Variants in DDA1 observed in about 807,000 individuals in gnomAD.
DDA1 encodes DET1- and DDB1-associated protein 1.
A neutral mutation model predicts 18.6 loss-of-function variants in DDA1; 3 were observed. That is an observed-to-expected ratio of 0.16 (90% CI 0.07 to 0.42). The LOEUF is 0.42. Ranked by LOEUF, DDA1 falls within the 10% of genes least tolerant of loss-of-function variation. The probability of loss-of-function intolerance (pLI) is 0.99; values close to 1 mark genes in which losing one functional copy is unlikely to be tolerated. For missense variants in DDA1, 105 were observed against 138.2 expected, an observed-to-expected ratio of 0.76 and a Z score of 1.20; for synonymous variants, 52 against 54.0, an observed-to-expected ratio of 0.96 and a Z score of 0.17.
At chr19:17,316,536 C>T (rs551032752) in intron 4 of DDA1, among the ~76,000 whole-genome samples, 14 of 145,832 alleles carry the variant, frequency 9.6e-5, no homozygotes, top group Non-Finnish European at 1.1e-4. Context: ...GCCGAGATTG[C>T]ACCACTGCAC....
intron 1 of DDA1, among the ~76,000 whole-genome samples, chr19:17,311,485 GATA>G (rs2074178802): frequency 6.6e-6 from 1 of 152,134 alleles, no homozygotes; most frequent in Non-Finnish European, 1.5e-5. Flanking sequence ...TGCATCAAAT[GATA>G]CCACTTTCTA....
chr19:17,314,006 T>C lies in DDA1; in HGVS notation c.4-17T>C. 6.2e-7 allele frequency: 1 copy of C among 1,611,106 alleles called. No individual in the cohort carries two copies. The highest frequency in any genetic ancestry group is 2.2e-5 in the East Asian group (1 of 44,812). ...CCCTTGCCTGTTTTCTCATGTACCA[T>C]CTTCCATGTCTTCTAGGCAGATTTT... On this transcript the variant is annotated splice_polypyrimidine_tract_variant and intron_variant, in intron 1 of 4. Transcript: ENST00000359866. The surrounding 1 kb of genome is among the most constrained non-coding windows in gnomAD (Gnocchi z 4.6).
chr19:17,315,243 A>ATATACACACACGTGTC (rs2074202430), intron 3 of DDA1, among the ~76,000 whole-genome samples: 1 of 79,740 alleles, frequency 1.3e-5, no homozygotes, highest in South Asian at 3.3e-4. Flanking sequence ...ACACACGTGT[A>ATATACACACACGTGTC]TATACACACA....
intron 1 of DDA1, among the ~76,000 whole-genome samples, chr19:17,313,721 C>T (rs1034337468): frequency 1.3e-5 from 2 of 152,100 alleles, no homozygotes; most frequent in Admixed American, 6.6e-5. Context: ...GGGATTCAGG[C>T]GGGAGCCACT....
rs569168062 is a variant in DDA1, at chr19:17,319,710, C to A, written c.*54C>A. ...CAGGTCTGCTCCTCGGTCGCCCACC[C>A]GCCTGCCCGCCATGTGTAAGCACCC... On this transcript the variant is annotated 3_prime_UTR_variant, in exon 5 of 5. Coordinates refer to ENST00000359866, the MANE Select transcript of DDA1 (RefSeq NM_024050.6). 6.7e-7 allele frequency: 1 copy of A among 1,501,082 alleles called. No homozygotes were observed. 93.0% of individuals were successfully genotyped at this position (1,501,082 alleles called of 1,614,324 possible).
chr19:17,315,170 TATAC>T (rs1207791267), intron 3 of DDA1, among the ~76,000 whole-genome samples: 2 of 66,092 alleles, frequency 3.0e-5, no homozygotes, highest in East Asian at 2.9e-4. Context: ...CACACGTGTA[TATAC>T]ACACACGTGT....
chr19:17,313,468 A>T (rs1233188471), intron 1 of DDA1, among the ~76,000 whole-genome samples: 25 of 118,380 alleles, frequency 2.1e-4, no homozygotes, highest in Non-Finnish European at 3.3e-4. Context: ...TTTGAGACAG[A>T]GTCTGGTTCC....
intron 1 of DDA1, 23 bp downstream of exon 1, chr19:17,309,680 C>T (rs772680962): frequency 5.1e-5 from 83 of 1,611,812 alleles, no homozygotes; most frequent in Admixed American, 6.7e-5. Context: ...TCCAGGCCCC[C>T]ACTCCCCCTC....
chr19:17,315,252 CACG>C (rs1906752951), intron 3 of DDA1, among the ~76,000 whole-genome samples: 1 of 79,818 alleles, frequency 1.3e-5, no homozygotes, highest in Non-Finnish European at 2.6e-5. Flanking sequence ...TATATACACA[CACG>C]TGTATATACA....
chr19:17,319,343 A>G (rs1371891868), intron 4 of DDA1, among the ~76,000 whole-genome samples: 1 of 152,154 alleles, frequency 6.6e-6, no homozygotes, highest in East Asian at 1.9e-4. Context: ...TGGGAGCTTC[A>G]CCCACGTGAA....
rs774862712 is a variant in DDA1, at chr19:17,314,400, G to T, written c.136+11G>T. 3.1e-6 allele frequency: 5 copies of T among 1,614,230 alleles called. No individual in the cohort carries two copies. The highest frequency in any genetic ancestry group is 4.2e-6 in the Non-Finnish European group (5 of 1,180,026). ...ACCCGTCTGAACAGAGTAAGTGGCCGCTGTCAGTCTGTCCCATTCTGGCTG... is the reference window on the plus strand; with the variant it reads ...ACCCGTCTGAACAGAGTAAGTGGCCTCTGTCAGTCTGTCCCATTCTGGCTG... On this transcript the variant is annotated intron_variant, in intron 3 of 4. Transcript: ENST00000359866. The surrounding 1 kb of genome is among the most constrained non-coding windows in gnomAD (Gnocchi z 4.6).
In DDA1 at chr19:17,314,581, G is replaced by A; in HGVS notation, c.136+192G>A. 1 of 682,170 alleles carries A rather than the reference G, an allele frequency of 1.5e-6. No homozygotes were observed. The highest frequency in any genetic ancestry group is 2.4e-6 in the Non-Finnish European group (1 of 408,680). 42.3% of individuals were successfully genotyped at this position (682,170 alleles called of 1,614,324 possible). ...GAGGTACAGGAGGGGGACCTTGGGG[G>A]CTTCAGCCTGGGGATGCACACGTGG... is the stretch of plus-strand genomic sequence containing the variant. On this transcript the variant is annotated intron_variant, in intron 3 of 4. Transcript: ENST00000359866. This position sits in a 1 kb window ranked among gnomAD's most constrained non-coding sequence, Gnocchi z 4.6.
rs528706740 is a variant in DDA1 at position 17,322,409 on chromosome 19, C to G, written c.*2753C>G. 6.5e-6 allele frequency: 1 copy of G among 153,836 alleles called. No homozygotes were observed. Among genetic ancestry groups the G allele is most frequent in the South Asian group, 1.9e-4 (1 of 5,254 alleles). 9.5% of individuals were successfully genotyped at this position (153,836 alleles called of 1,614,324 possible). A position where few individuals can be genotyped will look rare whatever the true frequency, so the allele number is the denominator to read the frequency against. ...CTACCCCTCCTGCCTTTGGGGTCCCCTTTACCCCACTGTTCCCCCAAACTG... is the reference window on the plus strand; with the variant it reads ...CTACCCCTCCTGCCTTTGGGGTCCCGTTTACCCCACTGTTCCCCCAAACTG... On this transcript the variant is annotated 3_prime_UTR_variant, in exon 5 of 5. Coordinates refer to ENST00000359866, the MANE Select transcript of DDA1 (RefSeq NM_024050.6).
rs1289522695 is a variant in DDA1, at chr19:17,315,278, TAC to T, written c.137-649_137-648del. Among the ~76,000 whole-genome samples, 15 of 47,302 alleles carry T rather than the reference TAC, an allele frequency of 3.2e-4. 2 individuals carry two copies. Among genetic ancestry groups the T allele is most frequent in the African/African-American group, 7.6e-4 (6 of 7,904 alleles). 31.0% of individuals were successfully genotyped at this position (47,302 alleles called of 152,430 possible). A position where few individuals can be genotyped will look rare whatever the true frequency, so the allele number is the denominator to read the frequency against. On this transcript the variant is annotated intron_variant, in intron 3 of 4. Coordinates refer to ENST00000359866, the MANE Select transcript of DDA1 (RefSeq NM_024050.6). ...ACGTGTATATACACACACGTGTATA[TAC>T]ACACACTATATATATACACACGTGT...
chr19:17,317,786 T>C (rs117245499), intron 4 of DDA1, among the ~76,000 whole-genome samples: 12,935 of 146,650 alleles, frequency 0.088, 643 homozygotes, highest in Non-Finnish European at 0.12. Flanking sequence ...CTGCAGTGAA[T>C]CATGATCATG....
rs750156546 is a variant in DDA1, at chr19:17,309,610, T to C, written c.-45T>C. On this transcript the variant is annotated 5_prime_UTR_variant, in exon 1 of 5. Coordinates refer to ENST00000359866, the MANE Select transcript of DDA1 (RefSeq NM_024050.6). The stretch of plus-strand genomic sequence containing the variant: ...AAGAAGGCGGCTCTGGTGGCGGCGG[T>C]GGAGGCTGAGGCGGCGGCCGAGGCG... The C allele has an allele frequency of 6.2e-7, 1 of 1,606,230 alleles. No homozygotes were observed. The highest frequency in any genetic ancestry group is 2.2e-5 in the East Asian group (1 of 44,750).
At chr19:17,317,670 A>T (rs1175904877) in intron 4 of DDA1, among the ~76,000 whole-genome samples, 1 of 103,116 alleles carries the variant, frequency 9.7e-6, no homozygotes, top group African/African-American at 3.5e-5. Flanking sequence ...TCCATCACTA[A>T]AAAAAAAAAA....
At chr19:17,317,068 T>C (rs1213159818) in intron 4 of DDA1, among the ~76,000 whole-genome samples, 1 of 148,590 alleles carries the variant, frequency 6.7e-6, no homozygotes, top group Non-Finnish European at 1.5e-5. Context: ...CTACTAATAA[T>C]ACAAAAATTA....
intron 1 of DDA1, chr19:17,310,245 C>T (rs1175737081): frequency 1.3e-5 from 2 of 152,664 alleles, no homozygotes; most frequent in South Asian, 4.0e-4. Flanking sequence ...GTAGTCTGAA[C>T]CTCTTAGGGT....
Sources: gnomAD v4.1 joint callset for allele counts (sites outside exome capture counted in the v4.1 genomes callset) on GRCh38, gnomAD v4.1.1 for gene constraint, Gnocchi (gnomAD v3.1) non-coding constraint, MANE v1.5 for transcripts, NCBI Gene and HGNC (gene_info 2026-07-23, HGNC 2026-07-21) for gene names.